CROCC2: variants seen among roughly 807,000 people sequenced by gnomAD.
CROCC2 encodes the protein ciliary rootlet coiled-coil protein 2.
A neutral mutation model predicts 177.6 loss-of-function variants in CROCC2; 163 were observed. The ratio of observed to expected loss-of-function variants is 0.92; its 90% CI spans 0.81 to 1.05. The LOEUF is 1.05. Ranked by LOEUF, CROCC2 falls within the 50% of genes least tolerant of loss-of-function variation. CROCC2 has a pLI of 0.00. For missense variants in CROCC2, 1,929 were observed against 1,797.8 expected, an observed-to-expected ratio of 1.07 and a Z score of -1.32; for synonymous variants, 904 against 787.3, an observed-to-expected ratio of 1.15 and a Z score of -2.48.
rs1491226863 is a variant in CROCC2 at position 240,961,811 on chromosome 2, A to ACACGCAC, written c.3088-1745_3088-1744insCACGCAC. Among the ~76,000 whole-genome samples, 7 of 73,140 alleles carry ACACGCAC rather than the reference A, an allele frequency of 9.6e-5. 1 individual carries two copies. Among genetic ancestry groups the ACACGCAC allele is most frequent in the African/African-American group, 4.9e-4 (7 of 14,312 alleles). The allele number at this position is 73,140 out of a possible 152,430, so 48.0% of individuals were successfully genotyped here. The stretch of plus-strand genomic sequence containing the variant: ...CACACGCACTCACACATACACTCAC[A>ACACGCAC]TACACTCACACACACGCACGCACAC... On this transcript the variant is annotated intron_variant, in intron 20 of 31. Transcript: ENST00000690015.
At chr2:240,935,618 C>T (rs759207892) in intron 14 of CROCC2, 30 bp downstream of exon 14, 64 of 1,365,008 alleles carry the variant, frequency 4.7e-5, no homozygotes, top group Admixed American at 6.4e-5. Flanking sequence ...ATGCTGCCGC[C>T]GTCTGGGATG....
intron 20 of CROCC2, among the ~76,000 whole-genome samples, chr2:240,962,010 C>CCACACA (rs869266774): frequency 2.1e-4 from 9 of 43,444 alleles, no homozygotes; most frequent in African/African-American, 3.7e-4. Context: ...CACTCATCAC[C>CCACACA]CACACACACA....
At position 240,935,367 on chromosome 2, in the gene CROCC2, G is replaced by T; in HGVS notation, c.1948G>T (p.Glu650Ter). The T allele has an allele frequency of 2.2e-6, 3 of 1,359,534 alleles. No homozygotes were observed. Among genetic ancestry groups the T allele is most frequent in the Non-Finnish European group, 2.9e-6 (3 of 1,049,816 alleles). 84.2% of individuals were successfully genotyped at this position (1,359,534 alleles called of 1,614,324 possible). Residue 650 changes from glutamate (E) to a stop codon, truncating the protein, a stop_gained, in exon 14 of 32, where the codon GAG becomes TAG. Transcript: ENST00000690015. LOFTEE classifies it high-confidence loss of function. ...CGACACCTGGTGGCAGCTGGAGCAG[G>T]AGCGGGACCAGCTGCGGGAACAGCG... ...LNHLALQLEQ[E>*]RDQLREQRKT...
intron 1 of CROCC2, among the ~76,000 whole-genome samples, chr2:240,911,778 A>G (rs111786126): frequency 4.8e-4 from 73 of 152,204 alleles, no homozygotes; most frequent in African/African-American, 1.7e-3. Context: ...TTCACTGAGC[A>G]TGACACCCTC....
intron 24 of CROCC2, 78 bp downstream of exon 24, chr2:240,966,071 C>A: frequency 7.7e-7 from 1 of 1,294,008 alleles, no homozygotes; most frequent in Non-Finnish European, 9.8e-7. Context: ...TCAGGCCTCA[C>A]AACTCACACA....
chr2:240,963,858 A>G, intron 21 of CROCC2, 85 bp downstream of exon 21: 1 of 1,404,024 alleles, frequency 7.1e-7, no homozygotes, highest in Non-Finnish European at 9.7e-7. Context: ...CAAGGGGGCT[A>G]GGCAGGGGCG....
chr2:240,910,753 G>A (rs891427779), intron 1 of CROCC2, among the ~76,000 whole-genome samples: 2 of 152,118 alleles, frequency 1.3e-5, no homozygotes, highest in Admixed American at 6.5e-5. Flanking sequence ...TTCTTCCTTC[G>A]CTTTCAGTTT....
At chr2:240,966,542 A>T (rs2059686129) in intron 25 of CROCC2, 133 bp downstream of exon 25, 1 of 396,722 alleles carries the variant, frequency 2.5e-6, no homozygotes, top group Non-Finnish European at 4.4e-6. Flanking sequence ...TTGTTGTGAT[A>T]AACACCAGCA....
rs1438702053 is a variant in CROCC2, at chr2:240,932,433, G to A, written c.1044+19G>A. ...GAACCTGGTTGGTGGGCAGGACGGG[G>A]GTGGCTGTGTGGCAGGGGTCTGTCA... is the stretch of plus-strand genomic sequence containing the variant. On this transcript the variant is annotated intron_variant, in intron 8 of 31. Transcript: ENST00000690015. 3 of 717,328 alleles carry A rather than the reference G, an allele frequency of 4.2e-6. No homozygotes were observed. The African/African-American group carries it at 5.2e-5, about 13-fold the overall frequency. 44.4% of individuals were successfully genotyped at this position (717,328 alleles called of 1,614,324 possible).
chr2:240,988,671 G>A lies in CROCC2; in HGVS notation c.4552-68G>A, dbSNP rs1371261254. The A allele has an allele frequency of 2.3e-6, 3 of 1,294,874 alleles. No homozygotes were observed. The Admixed American group carries it at 1.1e-4, about 50-fold the overall frequency. 80.2% of individuals were successfully genotyped at this position (1,294,874 alleles called of 1,614,324 possible). ...TCCCAGAGGCAACCCTGTGCTCCCAGAGGAGGGCTGGCCTGACCTCACTCC... is the reference window on the plus strand; with the variant it reads ...TCCCAGAGGCAACCCTGTGCTCCCAAAGGAGGGCTGGCCTGACCTCACTCC... On this transcript the variant is annotated intron_variant, in intron 28 of 31. Transcript: ENST00000690015.
At chr2:240,925,251 G>A (rs868198751) in intron 4 of CROCC2, among the ~76,000 whole-genome samples, 2 of 152,194 alleles carry the variant, frequency 1.3e-5, no homozygotes, top group Non-Finnish European at 2.9e-5. Context: ...CCCACCTGGC[G>A]GACTTGCACC....
rs545887290 is a variant in CROCC2 at position 240,982,894 on chromosome 2, G to A, written c.4416G>A (p.Thr1472=). 69 of 1,548,860 alleles carry A rather than the reference G, an allele frequency of 4.5e-5. No homozygotes were observed. The East Asian group carries it at 1.5e-3, about 33-fold the overall frequency. Residue 1472 remains threonine, a synonymous_variant, in exon 28 of 32, where the codon ACG becomes ACA. Transcript: ENST00000690015. The surrounding 1 kb of genome is among the most constrained non-coding windows in gnomAD (Gnocchi z 4.7). ...CTTCCCCCCAGGAGCAACTGGAAAC[G>A]CTGCGCCAGGCTCTTGAAGAGAGCA... ...EKRRLQEQLE[T]LRQALEESRR...
At chr2:240,964,198 G>T in intron 21 of CROCC2, 1 of 569,170 alleles carries the variant, frequency 1.8e-6, no homozygotes, top group Non-Finnish European at 3.1e-6. Context: ...GCGTCCGGGA[G>T]TGTGACAGAG....
At position 240,993,291 on chromosome 2, in the gene CROCC2, A is replaced by G. The variant is rs2059891778; in HGVS notation, c.*210A>G. The G allele has an allele frequency of 1.8e-6, 1 of 551,258 alleles. No homozygotes were observed. Among genetic ancestry groups the G allele is most frequent in the Middle Eastern group, 2.7e-4 (1 of 3,686 alleles). 34.1% of individuals were successfully genotyped at this position (551,258 alleles called of 1,614,324 possible). ...GGGGGCCTCCGAATTTTGAATTTTA[A>G]TAAATAGTTGAATCAGCGTAGGAGA... On this transcript the variant is annotated 3_prime_UTR_variant, in exon 32 of 32. Coordinates refer to ENST00000690015, the MANE Select transcript of CROCC2 (RefSeq NM_001351305.2).
chr2:240,948,659 G>A (rs1288435909), intron 15 of CROCC2, among the ~76,000 whole-genome samples: 2 of 152,180 alleles, frequency 1.3e-5, no homozygotes, highest in Non-Finnish European at 2.9e-5. Context: ...TGTGCTCCAG[G>A]TGTCTTCTGA....
Position 240,949,436 on chromosome 2 carries a change from C to G in CROCC2, c.2483-97C>G. On this transcript the variant is annotated intron_variant, in intron 16 of 31. Coordinates refer to ENST00000690015, the MANE Select transcript of CROCC2 (RefSeq NM_001351305.2). This position sits in a 1 kb window ranked among gnomAD's most constrained non-coding sequence, Gnocchi z 4.5. The stretch of plus-strand genomic sequence containing the variant: ...ACCCACTCCCGGAGCCTGGAGTGGA[C>G]AGTGCTTGCCCCCAAGACTGTCACT... The G allele has an allele frequency of 7.1e-7, 1 of 1,413,402 alleles. No individual in the cohort carries two copies. Among genetic ancestry groups the G allele is most frequent in the Non-Finnish European group, 9.6e-7 (1 of 1,041,570 alleles). The allele number at this position is 1,413,402 out of a possible 1,614,324, so 87.6% of individuals were successfully genotyped here.
At chr2:240,966,452 G>A (rs934186777) in intron 25 of CROCC2, 43 bp downstream of exon 25, 78 of 399,436 alleles carry the variant, frequency 2.0e-4, no homozygotes, top group African/African-American at 9.6e-4. Flanking sequence ...GGCACCCCCC[G>A]GGGGTCTCTG....
At chr2:240,971,643 C>T (rs745776254) in intron 27 of CROCC2, among the ~76,000 whole-genome samples, 34 of 152,140 alleles carry the variant, frequency 2.2e-4, no homozygotes, top group Non-Finnish European at 3.7e-4. Flanking sequence ...TTACCTACCC[C>T]GGCAAACCCT....
At chr2:240,909,301 C>T (rs2059272613) in intron 1 of CROCC2, among the ~76,000 whole-genome samples, 1 of 148,560 alleles carries the variant, frequency 6.7e-6, no homozygotes, top group African/African-American at 2.5e-5. Flanking sequence ...CTCGGGTGAC[C>T]TCTACCTCCT....
Sources: allele counts gnomAD v4.1 joint callset (sites outside exome capture counted in the v4.1 genomes callset), GRCh38; gene constraint gnomAD v4.1.1; non-coding constraint Gnocchi (gnomAD v3.1); transcripts MANE v1.5; gene names NCBI Gene and HGNC (gene_info 2026-07-23, HGNC 2026-07-21).